The following NREP variants were observed in gnomAD, a reference collection of about 807,000 sequenced individuals.
NREP encodes neuronal regeneration related protein, also known as neuronal regeneration-related protein.
Under a neutral mutation model 8.6 loss-of-function variants are expected in NREP, and 5 were observed. The ratio of observed to expected loss-of-function variants is 0.58; its 90% CI spans 0.30 to 1.22. NREP has a LOEUF of 1.22. NREP is among the 50% of genes most tolerant of loss of function. NREP has a pLI of 0.07. For synonymous variants in NREP, 27 were observed against 28.0 expected (o/e 0.96, Z 0.11); for missense variants, 86 against 82.5 (o/e 1.04, Z -0.17).
intron 2 of NREP, among the ~76,000 whole-genome samples, chr5:111,809,464 G>T (rs187072288): frequency 6.6e-6 from 1 of 152,158 alleles, no homozygotes; most frequent in South Asian, 2.1e-4. Flanking sequence ...TTAGGTCATG[G>T]GGACAGATTC....
At chr5:111,841,819 T>G (rs1027751421) in intron 2 of NREP, among the ~76,000 whole-genome samples, 9 of 152,136 alleles carry the variant, frequency 5.9e-5, no homozygotes, top group African/African-American at 2.2e-4. Context: ...AAGAAAATTT[T>G]GGGTTAGAGT....
intron 2 of NREP, among the ~76,000 whole-genome samples, chr5:111,864,379 G>T (rs1753619529): frequency 6.6e-6 from 1 of 152,046 alleles, no homozygotes; most frequent in Non-Finnish European, 1.5e-5. Context: ...GTATCTCATG[G>T]CAATATATGA....
chr5:111,879,114 G>T (rs959843209), intron 2 of NREP, among the ~76,000 whole-genome samples: 1 of 152,140 alleles, frequency 6.6e-6, no homozygotes, highest in African/African-American at 2.4e-5. Flanking sequence ...TGTTTAAAGA[G>T]CCTGGCAACT....
chr5:111,731,650 A>G (rs32252), intron 3 of NREP: 144,462 of 152,362 alleles, frequency 0.95, 68,565 homozygotes, highest in Middle Eastern at 0.98. Context: ...GACAGCGGTC[A>G]TAGGAAAGTG....
intron 2 of NREP, among the ~76,000 whole-genome samples, chr5:111,962,460 T>C (rs1321138600): frequency 1.3e-5 from 2 of 152,128 alleles, no homozygotes; most frequent in Non-Finnish European, 1.5e-5. Flanking sequence ...AATAGTTGTT[T>C]CCCTAAACTG....
chr5:111,800,798 A>G (rs1007471689), intron 2 of NREP, among the ~76,000 whole-genome samples: 2 of 152,258 alleles, frequency 1.3e-5, no homozygotes, highest in Non-Finnish European at 2.9e-5. Context: ...AGAAATTGCA[A>G]AAACAGAAAT....
chr5:111,883,141 G>A (rs191240225), intron 2 of NREP, among the ~76,000 whole-genome samples: 1 of 152,220 alleles, frequency 6.6e-6, no homozygotes, highest in African/African-American at 2.4e-5. Flanking sequence ...GATCTACCAA[G>A]CAAATGGAAA....
At chr5:111,814,838 T>C (rs1273989383) in intron 2 of NREP, among the ~76,000 whole-genome samples, 1 of 151,924 alleles carries the variant, frequency 6.6e-6, no homozygotes, top group African/African-American at 2.4e-5. Context: ...TGGAATGCTA[T>C]TGAATAGTTA....
At chr5:111,879,239 C>CAAAT (rs1009413943) in intron 2 of NREP, among the ~76,000 whole-genome samples, 1 of 152,134 alleles carries the variant, frequency 6.6e-6, no homozygotes, top group African/African-American at 2.4e-5. Context: ...GAAACCAAAC[C>CAAAT]AAATACATGA....
intron 2 of NREP, among the ~76,000 whole-genome samples, chr5:111,875,398 C>G (rs1465210933): frequency 1.3e-5 from 2 of 151,932 alleles, no homozygotes. Context: ...TTCTGGAAAG[C>G]TGTCACTTTC....
At chr5:111,924,061 G>A (rs1054072599) in intron 2 of NREP, among the ~76,000 whole-genome samples, 1 of 152,142 alleles carries the variant, frequency 6.6e-6, no homozygotes, top group African/African-American at 2.4e-5. Context: ...TAGGGTTTTA[G>A]GGAGGGTGAA....
chr5:111,735,707 C>G (rs145605922), intron 2 of NREP, among the ~76,000 whole-genome samples, 200 bp from the exon 3 acceptor site: 1 of 152,144 alleles, frequency 6.6e-6, no homozygotes, highest in Admixed American at 6.5e-5. Context: ...AGTTTCAGCT[C>G]GATGTCTTCC....
At chr5:111,852,930 G>T (rs1010944085) in intron 2 of NREP, among the ~76,000 whole-genome samples, 5 of 152,112 alleles carry the variant, frequency 3.3e-5, no homozygotes, top group African/African-American at 1.2e-4. Flanking sequence ...AGTGAGAGAA[G>T]CTTCCTCAAA....
Position 111,913,509 on chromosome 5 carries a change from A to G in NREP, c.135+61765T>C, listed in dbSNP as rs923172375. On this transcript the variant is annotated intron_variant, in intron 2 of 3. Transcript: ENST00000395634. ...AGTTGAAAAGATTCAAAGGATAGACATCTTCCCAGATTAACAGGGATGTGA... is the reference window on the plus strand; with the variant it reads ...AGTTGAAAAGATTCAAAGGATAGACGTCTTCCCAGATTAACAGGGATGTGA... Among the ~76,000 whole-genome samples, 9 of 152,252 alleles carry G rather than the reference A, an allele frequency of 5.9e-5. No individual in the cohort carries two copies. In the East Asian group the frequency reaches 1.7e-3, roughly 29 times the overall value.
In NREP at chr5:111,801,199, T is replaced by C. The variant is rs563933266; in HGVS notation, c.136-65692A>G. On this transcript the variant is annotated intron_variant, in intron 2 of 3. Transcript: ENST00000395634. ...AAGAGAAAGAATTTACAATTACAAA[T>C]GTTTACAGTAAATGCTAGTAGAAAA... Among the ~76,000 whole-genome samples, 3 of 152,324 alleles carry C rather than the reference T, an allele frequency of 2.0e-5. No homozygotes were observed. The South Asian group carries it at 6.2e-4, about 32-fold the overall frequency.
intron 2 of NREP, among the ~76,000 whole-genome samples, chr5:111,753,154 T>TAAG (rs1363320636): frequency 6.6e-6 from 1 of 151,746 alleles, no homozygotes; most frequent in Non-Finnish European, 1.5e-5. Flanking sequence ...TCTGTTCAAC[T>TAAG]AAGATACAGC....
chr5:111,962,226 CT>C (rs1435037763), intron 2 of NREP, among the ~76,000 whole-genome samples: 1 of 151,958 alleles, frequency 6.6e-6, no homozygotes, highest in Non-Finnish European at 1.5e-5. Flanking sequence ...TTTATTTTGC[CT>C]GAGAAAATGC....
rs370966505 is a variant in NREP, at chr5:111,866,368, T to C, written c.135+108906A>G. On this transcript the variant is annotated intron_variant, in intron 2 of 3. Coordinates refer to the NREP transcript ENST00000395634. ...AAAAGACACTTCTCAAAAGAAGACA[T>C]TTATGCAGGCAAAAGACACATGAAA... Among the ~76,000 whole-genome samples the C allele has an allele frequency of 4.6e-5, 7 of 152,264 alleles. No homozygotes were observed. The South Asian group carries it at 1.2e-3, about 27-fold the overall frequency.
At chr5:111,754,056 T>G (rs533105486) in intron 2 of NREP, among the ~76,000 whole-genome samples, 1 of 152,232 alleles carries the variant, frequency 6.6e-6, no homozygotes, top group African/African-American at 2.4e-5. Context: ...CAAAAGGGAC[T>G]GACATCTTGA....
Sources: allele counts gnomAD v4.1 joint callset (sites outside exome capture counted in the v4.1 genomes callset), GRCh38; gene constraint gnomAD v4.1.1; transcripts MANE v1.5; gene names NCBI Gene and HGNC (gene_info 2026-07-23, HGNC 2026-07-21).